Variants in ASAP3 observed in about 807,000 individuals in gnomAD.
ASAP3 encodes arf-GAP with SH3 domain, ANK repeat and PH domain-containing protein 3.
Under a neutral mutation model 118.2 loss-of-function variants are expected in ASAP3, and 85 were observed. The observed-to-expected ratio is 0.72, with a 90% CI of 0.60 to 0.86. The LOEUF is 0.86. Among genes scored for constraint, ASAP3 ranks in the 40% least tolerant of loss-of-function variants. The pLI, the probability that ASAP3 is intolerant of heterozygous loss-of-function variation, is 0.00. For synonymous variants in ASAP3, 432 were observed against 477.4 expected (o/e 0.90, Z 1.24); for missense variants, 1,026 against 1,175.0 (o/e 0.87, Z 1.85).
chr1:23,431,200 A>C, intron 23 of ASAP3, 75 bp from the exon 24 acceptor site: 2 of 1,450,170 alleles, frequency 1.4e-6, no homozygotes, highest in Non-Finnish European at 1.9e-6. Flanking sequence ...GGGCTCAGGA[A>C]CAGAGCCAGT....
At chr1:23,456,095 G>C (rs1243301873) in intron 2 of ASAP3, 27 bp downstream of exon 2, 1 of 1,613,940 alleles carries the variant, frequency 6.2e-7, no homozygotes, top group Non-Finnish European at 8.5e-7. Flanking sequence ...TTCCTGACCA[G>C]GCGGGGCACC....
chr1:23,480,384 C>G (rs966051732), intron 1 of ASAP3, among the ~76,000 whole-genome samples: 6 of 152,156 alleles, frequency 3.9e-5, no homozygotes, highest in African/African-American at 1.4e-4. Flanking sequence ...CCAATATGCT[C>G]TCTTCCCACC....
In ASAP3 at chr1:23,436,668, A is replaced by T; in HGVS notation, c.1477-14T>A. 1 of 1,614,080 alleles carries T rather than the reference A, an allele frequency of 6.2e-7. No homozygotes were observed. Among genetic ancestry groups the T allele is most frequent in the East Asian group, 2.2e-5 (1 of 44,882 alleles). ...GTTCAAGGCCAGCTGGAGTCGTAGG[A>T]AAATAGACGTGGGGCGGAGTAAGAC... On this transcript the variant is annotated splice_polypyrimidine_tract_variant and intron_variant, in intron 15 of 24. Coordinates refer to ENST00000336689, the MANE Select transcript of ASAP3 (RefSeq NM_017707.4). This position sits in a 1 kb window ranked among gnomAD's most constrained non-coding sequence, Gnocchi z 4.2.
upstream of ASAP3, chr1:23,484,361 G>C: frequency 2.8e-6 from 1 of 360,930 alleles, no homozygotes. Flanking sequence ...TCCGGCCCCG[G>C]TCCCGGCCCC....
intron 8 of ASAP3, 28 bp downstream of exon 8, chr1:23,441,627 A>G: frequency 6.2e-7 from 1 of 1,613,246 alleles, no homozygotes; most frequent in African/African-American, 1.3e-5. Flanking sequence ...GGGCTTGATC[A>G]CGTGCCCAAG....
intron 1 of ASAP3, among the ~76,000 whole-genome samples, chr1:23,472,019 T>C (rs182932989): frequency 1.3e-5 from 2 of 152,298 alleles, no homozygotes; most frequent in Admixed American, 6.5e-5. Context: ...TAGGATTTCA[T>C]TCACATGAAC....
In ASAP3 at chr1:23,431,751, G is replaced by C. The variant is rs1025786923; in HGVS notation, c.2491C>G (p.Pro831Ala). 2 of 1,528,284 alleles carry C rather than the reference G, an allele frequency of 1.3e-6. No homozygotes were observed. The highest frequency in any genetic ancestry group is 1.4e-5 in the African/African-American group (1 of 71,176). The allele number at this position is 1,528,284 out of a possible 1,614,324, so 94.7% of individuals were successfully genotyped here. ...GGGGTGGTCCCGGATGTCAGGCTGGGTCTGGAGGTGCCTGGGGGCTCTCGG... is the reference window on the plus strand; with the variant it reads ...GGGGTGGTCCCGGATGTCAGGCTGGCTCTGGAGGTGCCTGGGGGCTCTCGG... ...GLREPPGTSR[P>A]SLTSGTTPSE... Residue 831 changes from proline (P) to alanine (A), a missense_variant, in exon 23 of 25, where the codon CCC becomes GCC. Transcript: ENST00000336689.
Position 23,442,511 on chromosome 1 carries a change from T to C in ASAP3, c.575A>G (p.His192Arg). The C allele has an allele frequency of 1.2e-6, 2 of 1,613,818 alleles. No homozygotes were observed. Among genetic ancestry groups the C allele is most frequent in the Non-Finnish European group, 1.7e-6 (2 of 1,179,872 alleles). ...MQRERRIFQL[H>R]MCEYLLKAGE... The stretch of plus-strand genomic sequence containing the variant: ...CAGAGCACCCCTTACCTCACACATG[T>C]GCAGCTGGAAGATGCGCCGCTCTCT... Residue 192 changes from histidine to arginine, a missense_variant, in exon 6 of 25, where the codon CAC becomes CGC. By Grantham distance (29) the His-to-Arg change is conservative. Coordinates refer to ENST00000336689, the MANE Select transcript of ASAP3 (RefSeq NM_017707.4).
intron 1 of ASAP3, among the ~76,000 whole-genome samples, chr1:23,478,397 G>A (rs566202916): frequency 5.9e-5 from 9 of 152,246 alleles, no homozygotes; most frequent in African/African-American, 1.9e-4. Flanking sequence ...CCTGGGAAGT[G>A]GAGGTTGCAG....
At chr1:23,466,703 C>T (rs1235876869) in intron 1 of ASAP3, among the ~76,000 whole-genome samples, 1 of 152,218 alleles carries the variant, frequency 6.6e-6, no homozygotes, top group African/African-American at 2.4e-5. Flanking sequence ...TCAGAGCCAG[C>T]TGTGGTTACC....
At chr1:23,433,758 G>A in intron 19 of ASAP3, 65 bp from the exon 20 acceptor site, 1 of 1,602,098 alleles carries the variant, frequency 6.2e-7, no homozygotes, top group Non-Finnish European at 8.5e-7. Context: ...TAGAGATTAA[G>A]ACGGGCCTCT....
intron 23 of ASAP3, 107 bp downstream of exon 23, chr1:23,431,589 C>T (rs895982469): frequency 2.8e-5 from 30 of 1,070,676 alleles, no homozygotes; most frequent in Non-Finnish European, 3.7e-5. Context: ...CCAGAGATGG[C>T]GTGTGACCCA....
chr1:23,472,916 C>T (rs981382578), intron 1 of ASAP3, among the ~76,000 whole-genome samples: 4 of 152,110 alleles, frequency 2.6e-5, no homozygotes, highest in African/African-American at 9.7e-5. Flanking sequence ...AGTCATTTGC[C>T]CAAAGTCACA....
chr1:23,441,474 C>T lies in ASAP3; in HGVS notation c.748-1G>A. 1 of 1,614,062 alleles carries T rather than the reference C, an allele frequency of 6.2e-7. No homozygotes were observed. Among genetic ancestry groups the T allele is most frequent in the Non-Finnish European group, 8.5e-7 (1 of 1,179,984 alleles). Reference sequence around the variant, plus strand: ...GCTCGTCCTCCTGGGCCTGATGGAGCTATGGGACAGAGGATGGGATCCCAT... The same window carrying T: ...GCTCGTCCTCCTGGGCCTGATGGAGTTATGGGACAGAGGATGGGATCCCAT... On this transcript the variant is annotated splice_acceptor_variant, in intron 8 of 24. Coordinates refer to ENST00000336689, the MANE Select transcript of ASAP3 (RefSeq NM_017707.4). LOFTEE classifies it high-confidence loss of function.
chr1:23,455,582 C>A (rs1641356326), intron 3 of ASAP3, among the ~76,000 whole-genome samples: 1 of 152,146 alleles, frequency 6.6e-6, no homozygotes, highest in South Asian at 2.1e-4. Flanking sequence ...CTCCTTTATC[C>A]CAAAGCTCCT....
chr1:23,439,124 A>C, intron 11 of ASAP3, 37 bp downstream of exon 11: 1 of 1,605,970 alleles, frequency 6.2e-7, no homozygotes. Context: ...AAGAGGGTCC[A>C]TCGTGCCCTG....
At position 23,435,862 on chromosome 1, in the gene ASAP3, G is replaced by A. The variant is rs1640630780; in HGVS notation, c.1738C>T (p.Pro580Ser). The stretch of plus-strand genomic sequence containing the variant: ...GGAGGGGTTCTCACCTGTGCATCAG[G>A]CCCTGGCAGCGGCTGTCCAAAGTCC... ...GQDFGQPLPG[P>S]DAQAPEELVL... Residue 580 changes from proline (P) to serine (S), a missense_variant, in exon 17 of 25, where the codon CCT becomes TCT. Pro to Ser is a moderately conservative substitution (Grantham distance 74). Transcript: ENST00000336689. The A allele has an allele frequency of 3.1e-6, 5 of 1,614,248 alleles. No homozygotes were observed. The highest frequency in any genetic ancestry group is 4.2e-6 in the Non-Finnish European group (5 of 1,180,048).
At chr1:23,460,447 C>T (rs1641545475) in intron 1 of ASAP3, among the ~76,000 whole-genome samples, 1 of 142,766 alleles carries the variant, frequency 7.0e-6, no homozygotes, top group Non-Finnish European at 1.5e-5. Context: ...GCGGAGGTTG[C>T]AGTGAGCTGA....
In ASAP3 at chr1:23,441,432, C is replaced by G; in HGVS notation, c.789G>C (p.Gln263His). Residue 263 changes from glutamine (Q) to histidine (H), a missense_variant, in exon 9 of 25, where the codon CAG becomes CAC. Coordinates refer to ENST00000336689, the MANE Select transcript of ASAP3 (RefSeq NM_017707.4). ...GTGTCCCTCGGAGGGAGTCCCGGAGCTGGGTCAGCTTCTGTAGCTCGTCCT... is the reference window on the plus strand; with the variant it reads ...GTGTCCCTCGGAGGGAGTCCCGGAGGTGGGTCAGCTTCTGTAGCTCGTCCT... The part of the protein sequence containing the change: ...AQEDELQKLT[Q>H]LRDSLRGTLQ... The G allele has an allele frequency of 6.2e-7, 1 of 1,614,156 alleles. No individual in the cohort carries two copies. Among genetic ancestry groups the G allele is most frequent in the Non-Finnish European group, 8.5e-7 (1 of 1,180,036 alleles).
Sources: allele counts gnomAD v4.1 joint callset (sites outside exome capture counted in the v4.1 genomes callset), GRCh38; gene constraint gnomAD v4.1.1; non-coding constraint Gnocchi (gnomAD v3.1); transcripts MANE v1.5; gene names NCBI Gene and HGNC (gene_info 2026-07-23, HGNC 2026-07-21).